Variants in LINGO2 observed in about 807,000 individuals in gnomAD.
LINGO2 encodes leucine-rich repeat and immunoglobulin-like domain-containing nogo receptor-interacting protein 2.
LINGO2 carries 14 observed loss-of-function variants against 30.6 expected under a neutral mutation model. The observed-to-expected ratio is 0.46, with a 90% CI of 0.30 to 0.72. The LOEUF is 0.72. Ranked by LOEUF, LINGO2 falls within the 30% of genes least tolerant of loss-of-function variation. The probability of loss-of-function intolerance (pLI) is 0.07; values close to 1 mark genes in which losing one functional copy is unlikely to be tolerated. For missense variants in LINGO2, 729 were observed against 751.7 expected, an observed-to-expected ratio of 0.97 and a Z score of 0.35; for synonymous variants, 317 against 288.5, an observed-to-expected ratio of 1.10 and a Z score of -1.00.
chr9:28,204,099 G>C (rs1432219080), intron 4 of LINGO2, among the ~76,000 whole-genome samples: 1 of 152,154 alleles, frequency 6.6e-6, no homozygotes, highest in Non-Finnish European at 1.5e-5. Flanking sequence ...ACTGGATTCT[G>C]GGATACCCAA....
intron 4 of LINGO2, among the ~76,000 whole-genome samples, chr9:28,036,326 A>C (rs570515166): frequency 6.6e-6 from 1 of 152,212 alleles, no homozygotes; most frequent in Non-Finnish European, 1.5e-5. Flanking sequence ...GAAAGGATAC[A>C]TGAGCACTGC....
At chr9:27,979,460 C>T (rs1269856017) in intron 5 of LINGO2, among the ~76,000 whole-genome samples, 1 of 151,824 alleles carries the variant, frequency 6.6e-6, no homozygotes, top group African/African-American at 2.4e-5. Flanking sequence ...TCATATATGA[C>T]CTAAAGGAAC....
chr9:28,832,111 C>G, the LINGO2 span, among the ~76,000 whole-genome samples: 1 of 151,986 alleles, frequency 6.6e-6, no homozygotes, highest in East Asian at 1.9e-4. Flanking sequence ...TAACAGAAAA[C>G]CTTTTAGTGA....
chr9:28,439,214 A>T (rs1824088367), intron 2 of LINGO2, among the ~76,000 whole-genome samples: 1 of 150,682 alleles, frequency 6.6e-6, no homozygotes, highest in African/African-American at 2.4e-5. Context: ...CATATTATGA[A>T]ATAGAGATAA....
At chr9:28,552,589 G>C (rs950622021) in intron 1 of LINGO2, among the ~76,000 whole-genome samples, 5 of 151,468 alleles carry the variant, frequency 3.3e-5, no homozygotes, top group African/African-American at 9.7e-5. Context: ...ATGGTCACAT[G>C]GTGAGTCTAT....
chr9:28,456,440 A>G (rs1824849740), intron 2 of LINGO2, among the ~76,000 whole-genome samples: 1 of 152,238 alleles, frequency 6.6e-6, no homozygotes, highest in Admixed American at 6.5e-5. Context: ...CAAATAATAA[A>G]TACTTTCAAG....
intron 2 of LINGO2, among the ~76,000 whole-genome samples, chr9:28,417,224 GGGA>G (rs1454848543): frequency 3.9e-5 from 6 of 152,210 alleles, no homozygotes; most frequent in Non-Finnish European, 7.3e-5. Flanking sequence ...GAAATGGGCA[GGGA>G]GGAGAAGTTT....
In LINGO2 at chr9:28,023,518, C is replaced by T. The variant is rs572736163; in HGVS notation, c.-86-11113G>A. 8.7e-4 allele frequency among the ~76,000 whole-genome samples: 132 copies of T among 152,240 alleles called. 1 individual carries two copies. The highest frequency in any genetic ancestry group is 7.9e-3 in the South Asian group (38 of 4,820). ...GTAGAGAGGGAAAATGTTCTATACT[C>T]TTATGAACCAATCTCAGTCTTTCAG... On this transcript the variant is annotated intron_variant, in intron 4 of 5. Transcript: ENST00000379992.
At chr9:28,099,647 A>G (rs977435065) in intron 4 of LINGO2, among the ~76,000 whole-genome samples, 1 of 152,192 alleles carries the variant, frequency 6.6e-6, no homozygotes, top group African/African-American at 2.4e-5. Context: ...TCTACTCTCT[A>G]TTGAAGCAAG....
the LINGO2 span, among the ~76,000 whole-genome samples, chr9:28,902,494 T>C: frequency 1.3e-5 from 2 of 152,054 alleles, no homozygotes; most frequent in East Asian, 1.9e-4. Context: ...GACAAATCAA[T>C]AAGGAAACAT....
chr9:28,290,773 C>T (rs979697909), intron 4 of LINGO2, among the ~76,000 whole-genome samples: 18 of 151,986 alleles, frequency 1.2e-4, no homozygotes, highest in African/African-American at 4.3e-4. Context: ...TTTCAGAGGC[C>T]TGAACATCAT....
At chr9:28,370,396 CT>C (rs1820847731) in intron 3 of LINGO2, among the ~76,000 whole-genome samples, 1 of 152,206 alleles carries the variant, frequency 6.6e-6, no homozygotes, top group East Asian at 1.9e-4. Context: ...TCTTTGGTTT[CT>C]GGTTTCCTTC....
At chr9:28,736,244 C>A in the LINGO2 span, among the ~76,000 whole-genome samples, 4 of 152,202 alleles carry the variant, frequency 2.6e-5, no homozygotes, top group South Asian at 6.2e-4. Context: ...AATGGACTCA[C>A]CCTGACTGAA....
At chr9:28,524,218 C>T (rs761917628) in intron 1 of LINGO2, among the ~76,000 whole-genome samples, 2 of 152,018 alleles carry the variant, frequency 1.3e-5, no homozygotes, top group Non-Finnish European at 2.9e-5. Context: ...GGATAATACA[C>T]ATGAAGAAGA....
At chr9:27,952,211 A>T (rs1489977430) in intron 5 of LINGO2, among the ~76,000 whole-genome samples, 1 of 152,096 alleles carries the variant, frequency 6.6e-6, no homozygotes, top group Non-Finnish European at 1.5e-5. Flanking sequence ...CAAACCATTT[A>T]GAAAATACTA....
intron 1 of LINGO2, among the ~76,000 whole-genome samples, chr9:28,561,743 G>GTGTA (rs1563826353): frequency 4.5e-5 from 2 of 44,454 alleles, no homozygotes; most frequent in Non-Finnish European, 8.0e-5. Context: ...TTTTGTGTGT[G>GTGTA]TGTGTGTATA....
At chr9:28,029,908 C>T (rs893906978) in intron 4 of LINGO2, among the ~76,000 whole-genome samples, 1 of 152,070 alleles carries the variant, frequency 6.6e-6, no homozygotes, top group Non-Finnish European at 1.5e-5. Context: ...ACAATAATTC[C>T]ATAGTCCCTA....
intron 1 of LINGO2, among the ~76,000 whole-genome samples, chr9:28,630,885 C>T (rs1180397403): frequency 1.8e-4 from 25 of 136,926 alleles, no homozygotes; most frequent in Admixed American, 1.7e-3. Flanking sequence ...TCTTTGTGCA[C>T]ATAAAGAAAA....
intron 4 of LINGO2, among the ~76,000 whole-genome samples, chr9:28,248,038 G>C (rs75084139): frequency 6.6e-6 from 1 of 152,148 alleles, no homozygotes; most frequent in Non-Finnish European, 1.5e-5. Flanking sequence ...CCACTATGGT[G>C]AACAGTTTGA....
Sources: allele counts gnomAD v4.1 joint callset (sites outside exome capture counted in the v4.1 genomes callset), GRCh38; gene constraint gnomAD v4.1.1; transcripts MANE v1.5; gene names NCBI Gene and HGNC (gene_info 2026-07-23, HGNC 2026-07-21).